The following ZKSCAN4 variants were observed in gnomAD, a reference collection of about 807,000 sequenced individuals.
ZKSCAN4 encodes zinc finger protein with KRAB and SCAN domains 4.
ZKSCAN4 carries 23 observed loss-of-function variants against 30.8 expected under a neutral mutation model. The ratio of observed to expected loss-of-function variants is 0.75; its 90% CI spans 0.54 to 1.06. The LOEUF (loss-of-function observed/expected upper bound fraction) is 1.06, where lower values mean the gene tolerates loss of function less well. Ranked by LOEUF, ZKSCAN4 falls within the 50% of genes least tolerant of loss-of-function variation. The pLI is 0.00. For synonymous variants in ZKSCAN4, 208 were observed against 252.5 expected (o/e 0.82, Z 1.67); for missense variants, 556 against 665.4 (o/e 0.84, Z 1.81).
upstream of ZKSCAN4, among the ~76,000 whole-genome samples, chr6:28,255,939 GGAT>G (rs1761162824): frequency 6.6e-6 from 1 of 152,124 alleles, no homozygotes; most frequent in Non-Finnish European, 1.5e-5. Flanking sequence ...ACAGGGCATA[GGAT>G]GATATTGTGA....
rs1760535324 is a variant in ZKSCAN4 at position 28,242,592 on chromosome 6, C to T, written c.*2524G>A. On this transcript the variant is annotated 3_prime_UTR_variant, in exon 5 of 5. Transcript: ENST00000377294. ...CCATTCAGCTTTCTAACATGTCACC[C>T]TGTCCATATAATAACAGCTTGCACA... Among the ~76,000 whole-genome samples the T allele has an allele frequency of 6.6e-6, 1 of 152,172 alleles. No individual in the cohort carries two copies. Among genetic ancestry groups the T allele is most frequent in the African/African-American group, 2.4e-5 (1 of 41,430 alleles).
chr6:28,248,260 C>T (rs933290201), intron 2 of ZKSCAN4, 111 bp from the exon 3 acceptor site: 10 of 742,190 alleles, frequency 1.3e-5, no homozygotes, highest in Non-Finnish European at 2.3e-5. Flanking sequence ...TAAGTTTATA[C>T]AGAATGTGTT....
Position 28,245,054 on chromosome 6 carries a change from G to A in ZKSCAN4, c.*62C>T. The A allele has an allele frequency of 1.2e-6, 2 of 1,607,474 alleles. No homozygotes were observed. The highest frequency in any genetic ancestry group is 1.7e-6 in the Non-Finnish European group (2 of 1,174,648). The stretch of plus-strand genomic sequence containing the variant: ...GTCCACAATTTCTGTAACCATTAAG[G>A]GCTCCAGGGTGGCTTCAGTTCAGTG... On this transcript the variant is annotated 3_prime_UTR_variant, in exon 5 of 5. Coordinates refer to ENST00000377294, the MANE Select transcript of ZKSCAN4 (RefSeq NM_019110.5).
upstream of ZKSCAN4, among the ~76,000 whole-genome samples, chr6:28,255,947 T>C (rs72850299): frequency 0.035 from 5,306 of 152,256 alleles, 134 homozygotes; most frequent in Non-Finnish European, 0.053. Context: ...TAGGATGATA[T>C]TGTGATTATG....
In ZKSCAN4 at chr6:28,243,393, C is replaced by T. The variant is rs1174972997; in HGVS notation, c.*1723G>A. Among the ~76,000 whole-genome samples, 1 of 152,112 alleles carries T rather than the reference C, an allele frequency of 6.6e-6. No homozygotes were observed. Among genetic ancestry groups the T allele is most frequent in the Admixed American group, 6.6e-5 (1 of 15,262 alleles). ...TGCTGGTGACTGAATAAAACATGGT[C>T]AGGGATTTCATCAGAAGCAGAATCC... On this transcript the variant is annotated 3_prime_UTR_variant, in exon 5 of 5. Transcript: ENST00000377294.
At chr6:28,257,685 A>T in the ZKSCAN4 span, among the ~76,000 whole-genome samples, 1 of 152,252 alleles carries the variant, frequency 6.6e-6, no homozygotes, top group Admixed American at 6.5e-5. Flanking sequence ...CTCTTGGCCC[A>T]CAAAGCCTAA....
At position 28,251,531 on chromosome 6, in the gene ZKSCAN4, C is replaced by T; in HGVS notation, c.423+27G>A. 6.2e-7 allele frequency: 1 copy of T among 1,614,194 alleles called. No homozygotes were observed. The highest frequency in any genetic ancestry group is 8.5e-7 in the Non-Finnish European group (1 of 1,180,020). ...TTTCAGGAGGAAACAGACCACAGCGCTCAGATACTAAACCTGTTCTTTCTA... is the reference window on the plus strand; with the variant it reads ...TTTCAGGAGGAAACAGACCACAGCGTTCAGATACTAAACCTGTTCTTTCTA... On this transcript the variant is annotated intron_variant, in intron 1 of 4. Coordinates refer to ENST00000377294, the MANE Select transcript of ZKSCAN4 (RefSeq NM_019110.5). The surrounding 1 kb of genome is among the most constrained non-coding windows in gnomAD (Gnocchi z 4.5).
In ZKSCAN4 at chr6:28,251,815, A is replaced by G; in HGVS notation, c.166T>C (p.Phe56Leu). 2 of 1,612,500 alleles carry G rather than the reference A, an allele frequency of 1.2e-6. No homozygotes were observed. The highest frequency in any genetic ancestry group is 1.1e-5 in the South Asian group (1 of 91,020). The change falls in exon 1 of 5, where the codon TTC becomes CTC. Residue 56 changes from phenylalanine to leucine, a missense_variant. Coordinates refer to ENST00000377294, the MANE Select transcript of ZKSCAN4 (RefSeq NM_019110.5). This position sits in a 1 kb window ranked among gnomAD's most constrained non-coding sequence, Gnocchi z 4.5. ...ARGPERSRQR[F>L]RGFRYPEAAG... ...GCCTCCGGGTAGCGGAAGCCTCGGA[A>G]GCGCTGGCGGGAGCGTTCGGGGCCC...
rs1761035754 is a variant in ZKSCAN4, at chr6:28,252,181, C to T, written c.-201G>A. ...CCTTTGCAGGGTCGTCCTCTGCACC[C>T]CACTCTGAATCCCACAGTAAGTATC... is the stretch of plus-strand genomic sequence containing the variant. On this transcript the variant is annotated 5_prime_UTR_variant, in exon 1 of 5. Transcript: ENST00000377294. The T allele has an allele frequency of 2.2e-6, 1 of 449,314 alleles. No individual in the cohort carries two copies. Among genetic ancestry groups the T allele is most frequent in the Admixed American group, 3.8e-5 (1 of 26,006 alleles). 27.8% of individuals were successfully genotyped at this position (449,314 alleles called of 1,614,324 possible). A position where few individuals can be genotyped will look rare whatever the true frequency, so the allele number is the denominator to read the frequency against.
upstream of ZKSCAN4, among the ~76,000 whole-genome samples, chr6:28,256,056 G>T (rs1336801825): frequency 1.3e-5 from 2 of 152,134 alleles, no homozygotes; most frequent in African/African-American, 4.8e-5. Flanking sequence ...AAACCAAATC[G>T]TAACAACTAG....
chr6:28,254,890 G>A (rs1043986722), upstream of ZKSCAN4, among the ~76,000 whole-genome samples: 11 of 152,208 alleles, frequency 7.2e-5, no homozygotes, highest in Non-Finnish European at 1.6e-4. Flanking sequence ...TAAAAACTAG[G>A]TGAGACTTTG....
chr6:28,243,672 T>C lies in ZKSCAN4; in HGVS notation c.*1444A>G, dbSNP rs1028705473. Among the ~76,000 whole-genome samples the C allele has an allele frequency of 6.6e-6, 1 of 151,864 alleles. No individual in the cohort carries two copies. Among genetic ancestry groups the C allele is most frequent in the Non-Finnish European group, 1.5e-5 (1 of 67,992 alleles). ...CAGACACATTTTCTTTTCTTTTTTT[T>C]TTTTCTTTTTGAGACAGAGTCTCAC... On this transcript the variant is annotated 3_prime_UTR_variant, in exon 5 of 5. Transcript: ENST00000377294.
chr6:28,246,870 CA>C (rs1292054400), intron 4 of ZKSCAN4, 98 bp downstream of exon 4: 2 of 1,384,604 alleles, frequency 1.4e-6, no homozygotes, highest in Non-Finnish European at 1.9e-6. Flanking sequence ...ATTCTGAATC[CA>C]AACATAATGG....
rs753550043 is a variant in ZKSCAN4, at chr6:28,248,055, G to A, written c.654+12C>T. 5.4e-5 allele frequency: 86 copies of A among 1,604,448 alleles called. No homozygotes were observed. Among genetic ancestry groups the A allele is most frequent in the Non-Finnish European group, 7.2e-5 (84 of 1,174,010 alleles). ...TATGGGGCGCTGGGGAGGGAGAGGA[G>A]CTCCAGCTCACCTGGGACCCTGGAG... On this transcript the variant is annotated intron_variant, in intron 3 of 4. Transcript: ENST00000377294.
chr6:28,242,763 A>G lies in ZKSCAN4; in HGVS notation c.*2353T>C, dbSNP rs1014486745. On this transcript the variant is annotated 3_prime_UTR_variant, in exon 5 of 5. Transcript: ENST00000377294. ...CCTAAGCCTAAGTGTGTATACACACACACACACACACACACAAATAGAGGC... is the reference window on the plus strand; with the variant it reads ...CCTAAGCCTAAGTGTGTATACACACGCACACACACACACACAAATAGAGGC... Among the ~76,000 whole-genome samples the G allele has an allele frequency of 1.3e-5, 2 of 152,200 alleles. No individual in the cohort carries two copies. The highest frequency in any genetic ancestry group is 4.8e-5 in the African/African-American group (2 of 41,444).
In ZKSCAN4 at chr6:28,249,958, A is replaced by G; in HGVS notation, c.424-124T>C. ...TATTAACACAATTAATATAGATAAC[A>G]ACCCTGTGAGCTATTATTTTGGATT... On this transcript the variant is annotated intron_variant, in intron 1 of 4. Coordinates refer to ENST00000377294, the MANE Select transcript of ZKSCAN4 (RefSeq NM_019110.5). The surrounding 1 kb of genome is among the most constrained non-coding windows in gnomAD (Gnocchi z 4.1). The G allele has an allele frequency of 1.8e-6, 2 of 1,096,680 alleles. No individual in the cohort carries two copies. Among genetic ancestry groups the G allele is most frequent in the Non-Finnish European group, 2.6e-6 (2 of 769,376 alleles). 67.9% of individuals were successfully genotyped at this position (1,096,680 alleles called of 1,614,324 possible). A position where few individuals can be genotyped will look rare whatever the true frequency, so the allele number is the denominator to read the frequency against.
At chr6:28,253,943 C>T (rs939640174), upstream of ZKSCAN4, among the ~76,000 whole-genome samples, 26 of 152,186 alleles carry the variant, frequency 1.7e-4, no homozygotes, top group African/African-American at 5.3e-4. This position sits in a 1 kb window ranked among gnomAD's most constrained non-coding sequence, Gnocchi z 4.2. Flanking sequence ...TGAGCCACCA[C>T]GCCTGGCCAA....
chr6:28,250,475 T>G (rs1266709448), intron 1 of ZKSCAN4, among the ~76,000 whole-genome samples: 3 of 152,226 alleles, frequency 2.0e-5, no homozygotes, highest in African/African-American at 7.2e-5. Context: ...GTTCTTACCA[T>G]TACTCTAGGC....
chr6:28,244,999 C>G lies in ZKSCAN4; in HGVS notation c.*117G>C. On this transcript the variant is annotated 3_prime_UTR_variant, in exon 5 of 5. Transcript: ENST00000377294. Reference sequence around the variant, plus strand: ...CAGCCAGACTACATTTTCTAATACCCGATGATGTATAGTGGTAAATAAAGC... The same window carrying G: ...CAGCCAGACTACATTTTCTAATACCGGATGATGTATAGTGGTAAATAAAGC... 1 of 1,253,196 alleles carries G rather than the reference C, an allele frequency of 8.0e-7. No homozygotes were observed. Among genetic ancestry groups the G allele is most frequent in the Non-Finnish European group, 1.2e-6 (1 of 857,904 alleles). The allele number at this position is 1,253,196 out of a possible 1,614,324, so 77.6% of individuals were successfully genotyped here.
Sources: allele counts gnomAD v4.1 joint callset (sites outside exome capture counted in the v4.1 genomes callset), GRCh38; gene constraint gnomAD v4.1.1; non-coding constraint Gnocchi (gnomAD v3.1); transcripts MANE v1.5; gene names NCBI Gene and HGNC (gene_info 2026-07-23, HGNC 2026-07-21).